The following RGS12 variants were observed in gnomAD, a reference collection of about 807,000 sequenced individuals.
RGS12 encodes regulator of G protein signaling 12, also known as regulator of G-protein signaling 12.
In RGS12, 66 loss-of-function variants were observed where a neutral mutation model predicts 120.1. The observed-to-expected ratio is 0.55, with a 90% CI of 0.45 to 0.67. The LOEUF is 0.67. Among genes scored for constraint, RGS12 ranks in the 30% least tolerant of loss-of-function variants. RGS12 has a pLI of 0.00. For synonymous variants in RGS12, 827 were observed against 804.7 expected, an observed-to-expected ratio of 1.03 and a Z score of -0.47; for missense variants, 1,859 against 1,957.7, an observed-to-expected ratio of 0.95 and a Z score of 0.95.
intron 3 of RGS12, among the ~76,000 whole-genome samples, chr4:3,355,347 A>C (rs1366645951): frequency 6.6e-6 from 1 of 152,216 alleles, no homozygotes; most frequent in Non-Finnish European, 1.5e-5. Context: ...CATCAGGAAC[A>C]AGAGAAAGAT....
chr4:3,439,439 C>A lies in RGS12; in HGVS notation c.4115-16C>A. 1 of 1,612,578 alleles carries A rather than the reference C, an allele frequency of 6.2e-7. No homozygotes were observed. Among genetic ancestry groups the A allele is most frequent in the Non-Finnish European group, 8.5e-7 (1 of 1,179,744 alleles). On this transcript the variant is annotated splice_polypyrimidine_tract_variant and intron_variant, in intron 17 of 17. Transcript: ENST00000336727. ...CCGGGCCAGGCAAGTGACAGCTTCT[C>A]TTCTCCTTGTGACAGGAAGTGGGAC...
At chr4:3,308,934 T>C (rs190662639) in intron 1 of RGS12, among the ~76,000 whole-genome samples, 1 of 152,382 alleles carries the variant, frequency 6.6e-6, no homozygotes, top group East Asian at 1.9e-4. Flanking sequence ...AGCCTGAGCC[T>C]GCGTGGAGTC....
At chr4:3,427,832 A>G (rs1328266961) in intron 14 of RGS12, among the ~76,000 whole-genome samples, 4 of 152,256 alleles carry the variant, frequency 2.6e-5, no homozygotes, top group African/African-American at 7.2e-5. Flanking sequence ...AGTATATGAA[A>G]TGAGCTTTTC....
In RGS12 at chr4:3,316,703, G is replaced by A. The variant is rs759512692; in HGVS notation, c.533G>A (p.Arg178Gln). ...QRSLSESAAT[R>Q]FDVGHESINN... ...TCCCTTTCAGAGTCGGCCGCAACTC[G>A]ATTTGATGTTGGACATGAAAGTATA... The change falls in exon 2 of 18, where the codon CGA becomes CAA. Residue 178 changes from arginine (R) to glutamine (Q), a missense_variant. Coordinates refer to ENST00000336727, the MANE Select transcript of RGS12 (RefSeq NM_001394154.1). The A allele has an allele frequency of 6.2e-7, 1 of 1,614,148 alleles. No individual in the cohort carries two copies. Among genetic ancestry groups the A allele is most frequent in the South Asian group, 1.1e-5 (1 of 91,078 alleles).
At chr4:3,431,179 C>A (rs975677889) in intron 17 of RGS12, 3 of 1,405,986 alleles carry the variant, frequency 2.1e-6, no homozygotes, top group African/African-American at 2.9e-5. Context: ...GCGCTCTGGG[C>A]AGGCATCCTG....
intron 1 of RGS12, among the ~76,000 whole-genome samples, chr4:3,315,717 T>C (rs1247900436): frequency 6.6e-6 from 1 of 152,022 alleles, no homozygotes; most frequent in Non-Finnish European, 1.5e-5. Flanking sequence ...AGCCCGAGAG[T>C]CTGCCTTTCA....
At chr4:3,342,244 G>A (rs547566697) in intron 2 of RGS12, among the ~76,000 whole-genome samples, 23 of 152,278 alleles carry the variant, frequency 1.5e-4, no homozygotes, top group African/African-American at 5.3e-4. Context: ...GGAAAGCAGA[G>A]CTCCCAACTG....
In RGS12 at chr4:3,317,925, G is replaced by C. The variant is rs552686129; in HGVS notation, c.1755G>C (p.Arg585Ser). 1 of 1,614,192 alleles carries C rather than the reference G, an allele frequency of 6.2e-7. No individual in the cohort carries two copies. The highest frequency in any genetic ancestry group is 1.1e-5 in the South Asian group (1 of 91,090). Residue 585 changes from arginine (R) to serine (S), a missense_variant, in exon 2 of 18, where the codon AGG becomes AGC. Physicochemically the swap from Arg to Ser is moderately radical, Grantham distance 110 (BLOSUM62 -1). Transcript: ENST00000336727. Reference protein sequence around the residue: ...PMSKIPADRYRVEGSFAQPPL... With the variant: ...PMSKIPADRYSVEGSFAQPPL... ...GCAAGATCCCCGCAGACCGCTACAG[G>C]GTGGAGGGCAGCTTCGCGCAGCCCC...
At position 3,433,353 on chromosome 4, in the gene RGS12, G is replaced by A. The variant is rs1414879291; in HGVS notation, c.4114+2398G>A. On this transcript the variant is annotated intron_variant, in intron 17 of 17. Transcript: ENST00000336727. This position sits in a 1 kb window ranked among gnomAD's most constrained non-coding sequence, Gnocchi z 4.4. ...GGTGGGCAGCATGCCGGCTACGCGT[G>A]GGGGCTGCCAGCAACAGCCTTGAGG... is the stretch of plus-strand genomic sequence containing the variant. Among the ~76,000 whole-genome samples the A allele has an allele frequency of 6.6e-6, 1 of 152,184 alleles. No individual in the cohort carries two copies. Among genetic ancestry groups the A allele is most frequent in the East Asian group, 1.9e-4 (1 of 5,180 alleles).
intron 10 of RGS12, 38 bp downstream of exon 10, chr4:3,420,756 G>T (rs765376286): frequency 1.3e-6 from 2 of 1,554,554 alleles, no homozygotes; most frequent in East Asian, 2.3e-5. Context: ...AGGCCTCAGG[G>T]GTGTCCCCAC....
rs977611029 is a variant in RGS12, at chr4:3,329,796, A to C, written c.1881+11745A>C. Among the ~76,000 whole-genome samples the C allele has an allele frequency of 3.3e-5, 5 of 152,376 alleles. No homozygotes were observed. The South Asian group carries it at 1.0e-3, about 32-fold the overall frequency. On this transcript the variant is annotated intron_variant, in intron 2 of 17. Transcript: ENST00000336727. Reference sequence around the variant, plus strand: ...ACATTTTAAAGTTAAATGTCTTACAAACCTGAGTCCATGAGTGCAAAATTT... The same window carrying C: ...ACATTTTAAAGTTAAATGTCTTACACACCTGAGTCCATGAGTGCAAAATTT...
At position 3,414,938 on chromosome 4, in the gene RGS12, G is replaced by A. The variant is rs1402411529; in HGVS notation, c.2283+94G>A. 4.6e-6 allele frequency: 4 copies of A among 877,710 alleles called. No individual in the cohort carries two copies. The African/African-American group carries it at 5.0e-5, about 11-fold the overall frequency. 54.4% of individuals were successfully genotyped at this position (877,710 alleles called of 1,614,324 possible). A position where few individuals can be genotyped will look rare whatever the true frequency, so the allele number is the denominator to read the frequency against. On this transcript the variant is annotated intron_variant, in intron 6 of 17. Transcript: ENST00000336727. Reference sequence around the variant, plus strand: ...TGTGAGAGGGCCACGTGTGTGAGGGGCATGTGAGGGGTGTGTGTGAGGGGC... The same window carrying A: ...TGTGAGAGGGCCACGTGTGTGAGGGACATGTGAGGGGTGTGTGTGAGGGGC...
Position 3,315,902 on chromosome 4 carries a change from G to A in RGS12, c.-101-168G>A, listed in dbSNP as rs79382710. Among the ~76,000 whole-genome samples, 951 of 152,352 alleles carry A rather than the reference G, an allele frequency of 6.2e-3. 12 individuals carry two copies. Among genetic ancestry groups the A allele is most frequent in the African/African-American group, 0.022 (908 of 41,586 alleles). On this transcript the variant is annotated intron_variant, in intron 1 of 17. Coordinates refer to ENST00000336727, the MANE Select transcript of RGS12 (RefSeq NM_001394154.1). ...AGTTGTGGGAGACATTTTCTACTCC[G>A]AAAGGAAGTTTCTTAGCCTGACTTG...
intron 3 of RGS12, among the ~76,000 whole-genome samples, chr4:3,348,180 T>C (rs940223202): frequency 3.9e-5 from 6 of 152,192 alleles, no homozygotes; most frequent in African/African-American, 1.4e-4. Flanking sequence ...TTAAAACGCC[T>C]GATCAAAACA....
At chr4:3,368,618 G>GT (rs1483004163) in intron 3 of RGS12, among the ~76,000 whole-genome samples, 1 of 121,168 alleles carries the variant, frequency 8.3e-6, no homozygotes, top group African/African-American at 3.3e-5. Context: ...ACCTGTGTGT[G>GT]GGGGGGTACA....
At chr4:3,423,787 C>A in intron 13 of RGS12, 146 bp downstream of exon 13, 1 of 964,446 alleles carries the variant, frequency 1.0e-6, no homozygotes, top group Admixed American at 2.7e-5. Context: ...GAGGAGACAG[C>A]CTCTGCCATC....
At chr4:3,388,078 C>A (rs1468216426) in intron 4 of RGS12, among the ~76,000 whole-genome samples, 2 of 152,120 alleles carry the variant, frequency 1.3e-5, no homozygotes, top group African/African-American at 2.4e-5. Context: ...TGTATCCTGG[C>A]CACGCAGAGA....
intron 10 of RGS12, among the ~76,000 whole-genome samples, 185 bp from the exon 11 acceptor site, chr4:3,422,191 C>T (rs974755285): frequency 6.6e-6 from 1 of 152,218 alleles, no homozygotes; most frequent in African/African-American, 2.4e-5. Flanking sequence ...ATTCACAAAA[C>T]CCAGCACCTC....
intron 4 of RGS12, chr4:3,413,388 C>T (rs1721968582): frequency 6.6e-6 from 1 of 152,286 alleles, no homozygotes; most frequent in South Asian, 2.1e-4. Flanking sequence ...ATCGGGTCTC[C>T]TGTAAATGAG....
Sources: allele counts gnomAD v4.1 joint callset (sites outside exome capture counted in the v4.1 genomes callset), GRCh38; gene constraint gnomAD v4.1.1; non-coding constraint Gnocchi (gnomAD v3.1); transcripts MANE v1.5; gene names NCBI Gene and HGNC (gene_info 2026-07-23, HGNC 2026-07-21).